The following NFIB variants were observed in gnomAD, a reference collection of about 807,000 sequenced individuals.
NFIB encodes the protein nuclear factor I B.
Under a neutral mutation model 61.5 loss-of-function variants are expected in NFIB, and 11 were observed. The ratio of observed to expected loss-of-function variants is 0.18; its 90% CI spans 0.11 to 0.30. The LOEUF is 0.30. NFIB is among the 10% of genes least tolerant of loss of function. The pLI, the probability that NFIB is intolerant of heterozygous loss-of-function variation, is 1.00. For missense variants in NFIB, 471 were observed against 608.9 expected (o/e 0.77, Z 2.38); for synonymous variants, 260 against 216.5 (o/e 1.20, Z -1.76).
At chr9:14,321,355 A>G (rs2060655911) in intron 1 of NFIB, among the ~76,000 whole-genome samples, 1 of 152,146 alleles carries the variant, frequency 6.6e-6, no homozygotes, top group Admixed American at 6.5e-5. Context: ...TGCGGAAGAA[A>G]GGCTAACAAT....
At chr9:14,379,265 G>A (rs547345919) in intron 1 of NFIB, among the ~76,000 whole-genome samples, 1 of 152,202 alleles carries the variant, frequency 6.6e-6, no homozygotes, top group South Asian at 2.1e-4. Context: ...TTTAGGGAAG[G>A]ATAAAGGAAG....
At chr9:14,096,461 T>A (rs746433534) in intron 10 of NFIB, 1 of 152,160 alleles carries the variant, frequency 6.6e-6, no homozygotes, top group East Asian at 1.9e-4. Context: ...CGGAAAAAAG[T>A]TGTTTTCTTT....
chr9:14,430,002 T>C, the NFIB span, among the ~76,000 whole-genome samples: 1 of 152,268 alleles, frequency 6.6e-6, no homozygotes, highest in African/African-American at 2.4e-5. Context: ...GTTAATTTCC[T>C]TTATTTATGA....
chr9:14,458,094 T>C, the NFIB span, among the ~76,000 whole-genome samples: 1 of 152,202 alleles, frequency 6.6e-6, no homozygotes, highest in Non-Finnish European at 1.5e-5. Context: ...ATATCCCTGA[T>C]GAACATCGAT....
intron 1 of NFIB, among the ~76,000 whole-genome samples, chr9:14,319,466 C>A (rs1588302520): frequency 1.3e-5 from 2 of 152,358 alleles, no homozygotes; most frequent in South Asian, 4.1e-4. Flanking sequence ...CTCACTTATC[C>A]ACAATGTTAC....
chr9:14,351,351 C>T (rs2061109083), intron 1 of NFIB, among the ~76,000 whole-genome samples: 1 of 152,176 alleles, frequency 6.6e-6, no homozygotes, highest in Non-Finnish European at 1.5e-5. Flanking sequence ...CTGGTCTCAA[C>T]AGCGCCAGCC....
intron 2 of NFIB, among the ~76,000 whole-genome samples, chr9:14,184,190 T>C (rs951887068): frequency 6.6e-6 from 1 of 152,202 alleles, no homozygotes; most frequent in African/African-American, 2.4e-5. Context: ...CAAAGTTGCA[T>C]AGCAACTATT....
intron 2 of NFIB, among the ~76,000 whole-genome samples, chr9:14,258,759 A>T (rs181007818): frequency 6.6e-6 from 1 of 152,354 alleles, no homozygotes; most frequent in Admixed American, 6.5e-5. Context: ...TCAAGTTAGT[A>T]AGGATGTCAT....
At chr9:14,430,880 C>A in the NFIB span, among the ~76,000 whole-genome samples, 5 of 152,106 alleles carry the variant, frequency 3.3e-5, no homozygotes, top group African/African-American at 9.7e-5. Flanking sequence ...CCACGTCCGG[C>A]CCTGAAATGC....
the NFIB span, among the ~76,000 whole-genome samples, chr9:14,465,970 T>G: frequency 6.6e-6 from 1 of 152,150 alleles, no homozygotes; most frequent in Non-Finnish European, 1.5e-5. Context: ...ATGGAGGTCG[T>G]AGGCCCCCAA....
At chr9:14,326,250 G>A (rs552399301) in intron 1 of NFIB, among the ~76,000 whole-genome samples, 8 of 152,240 alleles carry the variant, frequency 5.3e-5, no homozygotes, top group Non-Finnish European at 8.8e-5. Context: ...CTCTTCTTTA[G>A]ATATTGATGG....
At chr9:14,418,560 G>C in the NFIB span, among the ~76,000 whole-genome samples, 220 of 152,286 alleles carry the variant, frequency 1.4e-3, 3 homozygotes, top group African/African-American at 5.1e-3. Context: ...TGGAAACTCA[G>C]TGCACCATCC....
chr9:14,337,422 G>T (rs993908175), intron 1 of NFIB, among the ~76,000 whole-genome samples: 1 of 152,230 alleles, frequency 6.6e-6, no homozygotes, highest in Admixed American at 6.5e-5. Context: ...GCAAGGAAAT[G>T]ATGGTGAGAA....
chr9:14,294,547 T>C (rs564060961), intron 2 of NFIB, among the ~76,000 whole-genome samples: 3 of 152,342 alleles, frequency 2.0e-5, no homozygotes, highest in East Asian at 3.9e-4. Flanking sequence ...GAGTTTTGTG[T>C]ATCCCATGAA....
chr9:14,279,936 A>ACACAATG (rs1175724538), intron 2 of NFIB, among the ~76,000 whole-genome samples: 1 of 152,184 alleles, frequency 6.6e-6, no homozygotes, highest in Non-Finnish European at 1.5e-5. Context: ...AAAGCACCAA[A>ACACAATG]ACACAATGAC....
Position 14,268,219 on chromosome 9 carries a change from C to G in NFIB, c.562+38770G>C, listed in dbSNP as rs1411085577. Among the ~76,000 whole-genome samples the G allele has an allele frequency of 3.9e-5, 6 of 152,096 alleles. No homozygotes were observed. In the South Asian group the frequency reaches 6.2e-4, roughly 16 times the overall value. On this transcript the variant is annotated intron_variant, in intron 2 of 10. Coordinates refer to ENST00000380953, the MANE Select transcript of NFIB (RefSeq NM_001190737.2). ...TTAAAAGCCTGGCTTAAAACGACCT[C>G]CTCCCTTCACTCCATTTTCTTCCTT... is the stretch of plus-strand genomic sequence containing the variant.
chr9:14,324,064 G>A (rs2060722834), intron 1 of NFIB, among the ~76,000 whole-genome samples: 1 of 152,174 alleles, frequency 6.6e-6, no homozygotes, highest in Non-Finnish European at 1.5e-5. Context: ...CTGGGAGGGA[G>A]GGGATACACA....
chr9:14,511,011 G>A, the NFIB span, among the ~76,000 whole-genome samples: 1 of 152,148 alleles, frequency 6.6e-6, no homozygotes, highest in Non-Finnish European at 1.5e-5. Flanking sequence ...CCACATTAGG[G>A]ATGATTTTGT....
chr9:14,515,245 G>A, the NFIB span, among the ~76,000 whole-genome samples: 2 of 152,070 alleles, frequency 1.3e-5, no homozygotes, highest in African/African-American at 4.8e-5. Context: ...CCGTGGGCAG[G>A]GAATCAGATG....
Sources: gnomAD v4.1 joint callset for allele counts (sites outside exome capture counted in the v4.1 genomes callset) on GRCh38, gnomAD v4.1.1 for gene constraint, MANE v1.5 for transcripts, NCBI Gene and HGNC (gene_info 2026-07-23, HGNC 2026-07-21) for gene names.